Variants in SLC28A3 observed in about 807,000 individuals in gnomAD.
The protein encoded by SLC28A3 is concentrative Na(+)-nucleoside cotransporter 3.
SLC28A3 carries 68 observed loss-of-function variants against 84.2 expected under a neutral mutation model. That is an observed-to-expected ratio of 0.81 (90% CI 0.66 to 0.99). The LOEUF (loss-of-function observed/expected upper bound fraction) is 0.99, where lower values mean the gene tolerates loss of function less well. Among genes scored for constraint, SLC28A3 ranks in the 50% least tolerant of loss-of-function variants. The probability of loss-of-function intolerance (pLI) is 0.00; values close to 1 mark genes in which losing one functional copy is unlikely to be tolerated. For synonymous variants in SLC28A3, 267 were observed against 303.6 expected, an observed-to-expected ratio of 0.88 and a Z score of 1.25; for missense variants, 712 against 841.5, an observed-to-expected ratio of 0.85 and a Z score of 1.90.
At chr9:84,343,660 T>C (rs144961262), upstream of SLC28A3, among the ~76,000 whole-genome samples, 95 of 152,282 alleles carry the variant, frequency 6.2e-4, no homozygotes, top group African/African-American at 2.2e-3. Flanking sequence ...CACATTAAAG[T>C]TATATGAAAT....
At chr9:84,344,242 T>A (rs143558568), upstream of SLC28A3, among the ~76,000 whole-genome samples, 489 of 142,670 alleles carry the variant, frequency 3.4e-3, 2 homozygotes, top group African/African-American at 0.012. Context: ...CAGGCTGGAG[T>A]GCAGTGGCAG....
At chr9:84,340,849 T>A (rs1180970658), upstream of SLC28A3, among the ~76,000 whole-genome samples, 1 of 152,010 alleles carries the variant, frequency 6.6e-6, no homozygotes, top group Non-Finnish European at 1.5e-5. Flanking sequence ...GGTGGAGGCA[T>A]CTAGTGCTGG....
intron 14 of SLC28A3, 150 bp downstream of exon 14, chr9:84,285,195 T>A (rs1488214880): frequency 2.8e-6 from 2 of 702,986 alleles, no homozygotes; most frequent in Non-Finnish European, 4.7e-6. Flanking sequence ...ATGTACATTA[T>A]AAGCTCCATG....
At chr9:84,299,520 G>T in intron 6 of SLC28A3, 61 bp downstream of exon 6, 1 of 1,589,896 alleles carries the variant, frequency 6.3e-7, no homozygotes, top group South Asian at 1.1e-5. Context: ...TCAGTATTTT[G>T]AGCAATTTAC....
At chr9:84,294,174 A>G in intron 9 of SLC28A3, 21 bp downstream of exon 9, 1 of 1,612,950 alleles carries the variant, frequency 6.2e-7, no homozygotes, top group South Asian at 1.1e-5. Context: ...CCTATAACCC[A>G]GTCCCTCCCA....
At chr9:84,348,767 G>A in the SLC28A3 span, among the ~76,000 whole-genome samples, 787 of 152,302 alleles carry the variant, frequency 5.2e-3, 3 homozygotes, top group African/African-American at 0.018. Context: ...TAAAAAGGAT[G>A]AGTTTCTCCT....
chr9:84,295,531 C>T (rs1282608166), intron 8 of SLC28A3, among the ~76,000 whole-genome samples: 6 of 152,032 alleles, frequency 3.9e-5, no homozygotes, highest in Non-Finnish European at 7.4e-5. Flanking sequence ...GTTGCAGAGC[C>T]GAGATTGTGC....
At chr9:84,288,299 A>G in intron 11 of SLC28A3, 121 bp from the exon 12 acceptor site, 3 of 1,427,644 alleles carry the variant, frequency 2.1e-6, no homozygotes, top group Non-Finnish European at 2.8e-6. Flanking sequence ...TCCAGAAGAC[A>G]ATGTTTCTTT....
chr9:84,295,586 AAAAC>A (rs57475975), intron 8 of SLC28A3, among the ~76,000 whole-genome samples: 3,196 of 151,706 alleles, frequency 0.021, 111 homozygotes, highest in African/African-American at 0.072. Context: ...CCATCTCACA[AAAAC>A]AAACAAACAA....
chr9:84,287,628 G>A (rs1289884056), intron 12 of SLC28A3, among the ~76,000 whole-genome samples: 1 of 152,172 alleles, frequency 6.6e-6, no homozygotes, highest in African/African-American at 2.4e-5. Flanking sequence ...TTGGGAGGCT[G>A]AGGCAGGAGG....
At chr9:84,329,043 G>C (rs949860857) in intron 1 of SLC28A3, among the ~76,000 whole-genome samples, 1 of 152,170 alleles carries the variant, frequency 6.6e-6, no homozygotes, top group Non-Finnish European at 1.5e-5. Flanking sequence ...GGATGGGAAA[G>C]ATATAACATG....
At chr9:84,313,877 AAAAAAG>A (rs1465339854) in intron 1 of SLC28A3, among the ~76,000 whole-genome samples, 1 of 151,172 alleles carries the variant, frequency 6.6e-6, no homozygotes, top group Admixed American at 6.6e-5. Flanking sequence ...TGAAAAAAAA[AAAAAAG>A]AAAAGAAAAG....
At position 84,285,344 on chromosome 9, in the gene SLC28A3, C is replaced by CTGAT; in HGVS notation, c.1644_1647dup (p.Arg551AsnfsTer4). 4 of 1,613,492 alleles carry CTGAT rather than the reference C, an allele frequency of 2.5e-6. No homozygotes were observed. Among genetic ancestry groups the CTGAT allele is most frequent in the Non-Finnish European group, 3.4e-6 (4 of 1,179,504 alleles). ...ACTGAGAAATTAAAATATTTACTCACTGATATATATTGCTGCACACCGTTT... is the reference window on the plus strand; with the variant it reads ...ACTGAGAAATTAAAATATTTACTCACTGATTGATATATATTGCTGCACACCGTTT... On this transcript the variant is annotated frameshift_variant and splice_region_variant. Coordinates refer to ENST00000376238, the MANE Select transcript of SLC28A3 (RefSeq NM_001199633.2). LOFTEE classifies it high-confidence loss of function.
At position 84,290,242 on chromosome 9, in the gene SLC28A3, T is replaced by A. The variant is rs1157109973; in HGVS notation, c.1061A>T (p.Tyr354Phe). The change falls in exon 11 of 18, where the codon TAC becomes TTC. Residue 354 changes from tyrosine (Y) to phenylalanine (F), a missense_variant. Tyr to Phe is a conservative substitution (Grantham distance 22, BLOSUM62 3). Coordinates refer to ENST00000376238, the MANE Select transcript of SLC28A3 (RefSeq NM_001199633.2). The stretch of plus-strand genomic sequence containing the variant: ...GGCGTGGAGTTCAGACTTGGTGATG[T>A]AAGGTAAATATGGTCGGACCAGCAG... ...SPLLVRPYLP[Y>F]ITKSELHAIM... is the part of the protein sequence containing the mutation. The A allele has an allele frequency of 3.1e-6, 5 of 1,614,052 alleles. No individual in the cohort carries two copies. Among genetic ancestry groups the A allele is most frequent in the Non-Finnish European group, 4.2e-6 (5 of 1,179,944 alleles).
chr9:84,295,410 C>T (rs1469563525), intron 8 of SLC28A3, among the ~76,000 whole-genome samples: 1 of 151,968 alleles, frequency 6.6e-6, no homozygotes, highest in Non-Finnish European at 1.5e-5. Context: ...CATGGCGAAA[C>T]CCTGTCTCTA....
Position 84,280,973 on chromosome 9 carries a change from C to A in SLC28A3, c.1648-91G>T. 4.2e-6 allele frequency: 5 copies of A among 1,183,406 alleles called. 1 individual carries two copies. In the South Asian group the frequency reaches 5.2e-5, roughly 12 times the overall value. The allele number at this position is 1,183,406 out of a possible 1,614,324, so 73.3% of individuals were successfully genotyped here. On this transcript the variant is annotated intron_variant, in intron 14 of 17. Coordinates refer to ENST00000376238, the MANE Select transcript of SLC28A3 (RefSeq NM_001199633.2). ...CTGGGCTTCATTTTGACCATAAATT[C>A]AATATTGACAAATAAATGCACAGTC...
Position 84,278,167 on chromosome 9 carries a change from C to T in SLC28A3, c.*51G>A, listed in dbSNP as rs755580183. On this transcript the variant is annotated 3_prime_UTR_variant, in exon 18 of 18. Transcript: ENST00000376238. ...GCTTCTTTTTTTTTTCTTTCCAAAGCAGAAAATTCAGCATCTGTACTTCAG... is the reference window on the plus strand; with the variant it reads ...GCTTCTTTTTTTTTTCTTTCCAAAGTAGAAAATTCAGCATCTGTACTTCAG... 6 of 1,556,190 alleles carry T rather than the reference C, an allele frequency of 3.9e-6. No individual in the cohort carries two copies. In the East Asian group the frequency reaches 1.1e-4, roughly 29 times the overall value.
At chr9:84,295,001 G>A (rs1825361608) in intron 8 of SLC28A3, among the ~76,000 whole-genome samples, 1 of 152,218 alleles carries the variant, frequency 6.6e-6, no homozygotes, top group Admixed American at 6.5e-5. Flanking sequence ...TAAACTGCCT[G>A]CCTTTTACAA....
At chr9:84,352,525 A>AAC in the SLC28A3 span, among the ~76,000 whole-genome samples, 4 of 152,182 alleles carry the variant, frequency 2.6e-5, no homozygotes, top group Admixed American at 1.3e-4. Context: ...GGATTTATAT[A>AAC]ACACACACAC....
Sources: gnomAD v4.1 joint callset for allele counts (sites outside exome capture counted in the v4.1 genomes callset) on GRCh38, gnomAD v4.1.1 for gene constraint, MANE v1.5 for transcripts, NCBI Gene and HGNC (gene_info 2026-07-23, HGNC 2026-07-21) for gene names.